WAC: variants seen among roughly 807,000 people sequenced by gnomAD.
WAC encodes the protein WW domain-containing adapter protein with coiled-coil.
Under a neutral mutation model 79.6 loss-of-function variants are expected in WAC, and 11 were observed. That is an observed-to-expected ratio of 0.14 (90% CI 0.09 to 0.23). The LOEUF (loss-of-function observed/expected upper bound fraction) is 0.23. Ranked by LOEUF, WAC falls within the 10% of genes least tolerant of loss-of-function variation. The pLI is 1.00. For missense variants in WAC, 728 were observed against 773.5 expected (o/e 0.94, Z 0.70); for synonymous variants, 304 against 276.9 (o/e 1.10, Z -0.97).
At chr10:28,603,152 A>G (rs1335516925) in intron 7 of WAC, among the ~76,000 whole-genome samples, 1 of 152,226 alleles carries the variant, frequency 6.6e-6, no homozygotes, top group East Asian at 1.9e-4. Context: ...GGAGTATCCA[A>G]TCTTTTGGCT....
At chr10:28,596,654 A>G (rs975289002) in intron 7 of WAC, among the ~76,000 whole-genome samples, 1 of 152,232 alleles carries the variant, frequency 6.6e-6, no homozygotes, top group South Asian at 2.1e-4. Context: ...GTGTGACACA[A>G]CATAAGCAGT....
chr10:28,619,703 G>C lies in WAC; in HGVS notation c.*97G>C. ...GCTGCATTTAAGTAGACTTTGGACCGTTAAGCTGGGCAAAGGAAATGACAA... is the reference window on the plus strand; with the variant it reads ...GCTGCATTTAAGTAGACTTTGGACCCTTAAGCTGGGCAAAGGAAATGACAA... On this transcript the variant is annotated 3_prime_UTR_variant, in exon 14 of 14. Transcript: ENST00000354911. 1 of 971,278 alleles carries C rather than the reference G, an allele frequency of 1.0e-6. No homozygotes were observed. Among genetic ancestry groups the C allele is most frequent in the Non-Finnish European group, 1.5e-6 (1 of 677,994 alleles). 60.2% of individuals were successfully genotyped at this position (971,278 alleles called of 1,614,324 possible).
intron 8 of WAC, 78 bp from the exon 9 acceptor site, chr10:28,610,621 C>T (rs931971253): frequency 7.1e-7 from 1 of 1,416,182 alleles, no homozygotes; most frequent in South Asian, 1.6e-5. Flanking sequence ...CTTGTGAGTT[C>T]TCTTCCTTGT....
At chr10:28,606,367 T>C (rs1840952900) in intron 7 of WAC, among the ~76,000 whole-genome samples, 1 of 152,240 alleles carries the variant, frequency 6.6e-6, no homozygotes, top group Admixed American at 6.5e-5. Context: ...AAAACATTTA[T>C]CGTTTTATTT....
At chr10:28,601,681 G>C (rs764476478) in intron 7 of WAC, among the ~76,000 whole-genome samples, 1 of 152,116 alleles carries the variant, frequency 6.6e-6, no homozygotes, top group African/African-American at 2.4e-5. Flanking sequence ...GAAAGGATAC[G>C]ACGTGATACA....
chr10:28,579,174 A>ATT (rs5784074), intron 3 of WAC, among the ~76,000 whole-genome samples: 59 of 143,960 alleles, frequency 4.1e-4, no homozygotes, highest in East Asian at 1.6e-3. Flanking sequence ...GGGTAGATGA[A>ATT]TTTTTTTTTT....
intron 3 of WAC, among the ~76,000 whole-genome samples, chr10:28,559,160 G>GTGTGTGTGTGTGTGTGTA (rs1838167945): frequency 6.6e-6 from 1 of 151,576 alleles, no homozygotes; most frequent in African/African-American, 2.4e-5. Context: ...GTGTGTGTGT[G>GTGTGTGTGTGTGTGTGTA]TGTGTAAGTC....
chr10:28,567,199 T>A (rs1228057180), intron 3 of WAC, among the ~76,000 whole-genome samples: 1 of 152,016 alleles, frequency 6.6e-6, no homozygotes, highest in Admixed American at 6.6e-5. Context: ...TTTTTTTTCT[T>A]TTTTGTTGGG....
chr10:28,533,907 G>C, intron 1 of WAC, 91 bp from the exon 2 acceptor site: 1 of 1,493,156 alleles, frequency 6.7e-7, no homozygotes, highest in East Asian at 2.4e-5. Flanking sequence ...GGTCTCCCGC[G>C]GGGAGGGGCG....
At chr10:28,607,692 C>G (rs1841027280) in intron 7 of WAC, among the ~76,000 whole-genome samples, 1 of 152,114 alleles carries the variant, frequency 6.6e-6, no homozygotes, top group South Asian at 2.1e-4. Flanking sequence ...TGGGTGTAAC[C>G]ACCTTGGTGT....
chr10:28,613,519 C>G (rs982100424), intron 10 of WAC, among the ~76,000 whole-genome samples: 7 of 152,132 alleles, frequency 4.6e-5, no homozygotes, highest in Admixed American at 3.9e-4. Flanking sequence ...AAAAAAAAAT[C>G]CTTTAAGCAG....
intron 11 of WAC, chr10:28,615,617 C>T (rs1841434903): frequency 6.6e-6 from 1 of 152,206 alleles, no homozygotes; most frequent in Non-Finnish European, 1.5e-5. Flanking sequence ...GTTCTCACCA[C>T]CATATCCCCA....
chr10:28,588,192 A>G (rs183420952), intron 4 of WAC, among the ~76,000 whole-genome samples: 1 of 152,242 alleles, frequency 6.6e-6, no homozygotes, highest in East Asian at 1.9e-4. Context: ...ATAATAATTT[A>G]TGTATAGGGA....
intron 3 of WAC, among the ~76,000 whole-genome samples, chr10:28,547,559 C>CT (rs779132111): frequency 2.0e-4 from 31 of 151,600 alleles, no homozygotes; most frequent in Non-Finnish European, 4.0e-4. Flanking sequence ...AGACTTGTAA[C>CT]TTTTTTTGTG....
At chr10:28,557,554 T>C (rs1003679185) in intron 3 of WAC, among the ~76,000 whole-genome samples, 1 of 151,818 alleles carries the variant, frequency 6.6e-6, no homozygotes, top group Non-Finnish European at 1.5e-5. Flanking sequence ...ATCAGCTGGG[T>C]GTGGTGGTGT....
chr10:28,533,586 A>C lies in WAC; in HGVS notation c.7A>C (p.Met3Leu). The change falls in exon 1 of 14, where the codon ATG (methionine) becomes CTG (leucine). Residue 3 changes from methionine (M) to leucine (L), a missense_variant. Coordinates refer to ENST00000354911, the MANE Select transcript of WAC (RefSeq NM_016628.5). ...ACTCACAGGCCGGGCATTGATGGTA[A>C]TGTATGCGAGGAAACAGCAGAGACT... MV[M>L]YARKQQRLSD... is the part of the protein sequence containing the mutation. 6.4e-7 allele frequency: 1 copy of C among 1,570,736 alleles called. No homozygotes were observed.
At chr10:28,582,350 C>G (rs1158651288) in intron 3 of WAC, among the ~76,000 whole-genome samples, 1 of 152,174 alleles carries the variant, frequency 6.6e-6, no homozygotes, top group Non-Finnish European at 1.5e-5. Flanking sequence ...ACCATTTTCA[C>G]TTGGATATCT....
intron 4 of WAC, among the ~76,000 whole-genome samples, chr10:28,587,285 C>G (rs1839867584): frequency 6.6e-6 from 1 of 152,174 alleles, no homozygotes; most frequent in Non-Finnish European, 1.5e-5. Flanking sequence ...TAATGTTTGA[C>G]TTAATAGAAA....
chr10:28,623,067 A>G lies in WAC; in HGVS notation c.*3461A>G, dbSNP rs1841746515. The G allele has an allele frequency of 6.6e-6, 1 of 152,240 alleles. No homozygotes were observed. Among genetic ancestry groups the G allele is most frequent in the African/African-American group, 2.4e-5 (1 of 41,458 alleles). The allele number at this position is 152,240 out of a possible 1,614,324, so 9.4% of individuals were successfully genotyped here. ...GAAAGTCTTAGAATGCATAATTTGC[A>G]TTTGAGTAAGGAAATTTAAAATACA... On this transcript the variant is annotated 3_prime_UTR_variant, in exon 14 of 14. Transcript: ENST00000354911.
Sources: gnomAD v4.1 joint callset for allele counts (sites outside exome capture counted in the v4.1 genomes callset) on GRCh38, gnomAD v4.1.1 for gene constraint, MANE v1.5 for transcripts, NCBI Gene and HGNC (gene_info 2026-07-23, HGNC 2026-07-21) for gene names.